Variants in RRP1B observed in about 807,000 individuals in gnomAD.
RRP1B encodes the protein ribosomal RNA processing protein 1 homolog B.
Under a neutral mutation model 80.2 loss-of-function variants are expected in RRP1B, and 56 were observed. The observed-to-expected ratio is 0.70, with a 90% confidence interval of 0.56 to 0.87. RRP1B has a LOEUF of 0.87. Ranked by LOEUF, RRP1B falls within the 40% of genes least tolerant of loss-of-function variation. RRP1B has a pLI of 0.00. For synonymous variants in RRP1B, 351 were observed against 357.6 expected, an observed-to-expected ratio of 0.98 and a Z score of 0.21; for missense variants, 807 against 939.8, an observed-to-expected ratio of 0.86 and a Z score of 1.85.
chr21:43,667,656 G>A (rs1303989348), intron 1 of RRP1B, among the ~76,000 whole-genome samples: 4 of 152,104 alleles, frequency 2.6e-5, no homozygotes, highest in Admixed American at 6.6e-5. Flanking sequence ...TTAAATATAA[G>A]TGCAGGTCAC....
At chr21:43,663,045 A>G (rs944265496) in intron 1 of RRP1B, among the ~76,000 whole-genome samples, 1 of 152,224 alleles carries the variant, frequency 6.6e-6, no homozygotes, top group Non-Finnish European at 1.5e-5. Flanking sequence ...AAGTTTTTTT[A>G]TAATGATGGG....
Position 43,673,964 on chromosome 21 carries a change from T to C in RRP1B, c.357+9T>C. ...TGGACAAATACTATATGGTAAGATC[T>C]GCCGCAGTTACTTCAAAAACTCCTG... On this transcript the variant is annotated intron_variant, in intron 4 of 15. Coordinates refer to ENST00000340648, the MANE Select transcript of RRP1B (RefSeq NM_015056.3). 6.3e-7 allele frequency: 1 copy of C among 1,582,242 alleles called. No individual in the cohort carries two copies. The highest frequency in any genetic ancestry group is 8.6e-7 in the Non-Finnish European group (1 of 1,158,174).
In RRP1B at chr21:43,676,764, G is replaced by A; in HGVS notation, c.646G>A (p.Val216Ile). 6.2e-7 allele frequency: 1 copy of A among 1,614,220 alleles called. No homozygotes were observed. Among genetic ancestry groups the A allele is most frequent in the South Asian group, 1.1e-5 (1 of 91,082 alleles). Residue 216 changes from valine to isoleucine, a missense_variant, in exon 8 of 16, where the codon GTC becomes ATC. Coordinates refer to ENST00000340648, the MANE Select transcript of RRP1B (RefSeq NM_015056.3). ...HTLVQTIARG[V>I]FEAIVDQSPF... ...CCTGGTACAGACCATAGCTCGGGGT[G>A]TCTTCGAAGCTATCGTAGATCAGTC...
Position 43,691,774 on chromosome 21 carries a change from G to C in RRP1B, c.2083+272G>C, listed in dbSNP as rs575968945. Among the ~76,000 whole-genome samples, 4 of 152,220 alleles carry C rather than the reference G, an allele frequency of 2.6e-5. No homozygotes were observed. The East Asian group carries it at 7.7e-4, about 29-fold the overall frequency. ...CCTGCCTCAGGCTGCCGGGTAGCGG[G>C]TAGCTGGGATCACAGGTGCACGCCA... On this transcript the variant is annotated intron_variant, in intron 15 of 15. Coordinates refer to ENST00000340648, the MANE Select transcript of RRP1B (RefSeq NM_015056.3). The surrounding 1 kb of genome is among the most constrained non-coding windows in gnomAD (Gnocchi z 4.2).
chr21:43,682,706 T>C (rs1336781535), intron 8 of RRP1B, among the ~76,000 whole-genome samples: 2 of 152,270 alleles, frequency 1.3e-5, no homozygotes, highest in East Asian at 1.9e-4. Flanking sequence ...GGACCACGTG[T>C]GGGGGAGGAA....
intron 11 of RRP1B, chr21:43,686,027 G>C (rs974090200): frequency 7.5e-5 from 28 of 372,432 alleles, no homozygotes; most frequent in African/African-American, 4.3e-4. Context: ...AGTCTAAGAG[G>C]GGAGGATCGC....
At chr21:43,692,084 G>A (rs1007136688) in intron 15 of RRP1B, among the ~76,000 whole-genome samples, 4 of 152,134 alleles carry the variant, frequency 2.6e-5, no homozygotes, top group Admixed American at 6.6e-5. Flanking sequence ...CTGGTGAGAC[G>A]TGATCCAAAA....
At chr21:43,676,157 C>A in intron 6 of RRP1B, 115 bp from the exon 7 acceptor site, 4 of 722,368 alleles carry the variant, frequency 5.5e-6, no homozygotes, top group Non-Finnish European at 9.3e-6. Context: ...CTGTGTGAGA[C>A]AGGCATTGCT....
At chr21:43,685,684 T>C (rs763872563) in intron 10 of RRP1B, 86 bp from the exon 11 acceptor site, 18 of 989,044 alleles carry the variant, frequency 1.8e-5, no homozygotes, top group Non-Finnish European at 2.5e-5. Context: ...AAAAATCAAA[T>C]ACATATGTCT....
At chr21:43,672,087 C>T (rs954722322) in intron 2 of RRP1B, among the ~76,000 whole-genome samples, 1 of 152,188 alleles carries the variant, frequency 6.6e-6, no homozygotes, top group African/African-American at 2.4e-5. Flanking sequence ...TAGCTTAACA[C>T]AGTTCTTGCA....
chr21:43,673,122 G>A (rs2083006328), intron 3 of RRP1B, among the ~76,000 whole-genome samples: 1 of 152,198 alleles, frequency 6.6e-6, no homozygotes, highest in Non-Finnish European at 1.5e-5. Context: ...ACAAAAATAT[G>A]AGTTTCTATA....
chr21:43,668,375 T>G (rs1208351776), intron 1 of RRP1B, among the ~76,000 whole-genome samples: 1 of 151,380 alleles, frequency 6.6e-6, no homozygotes, highest in East Asian at 1.9e-4. Flanking sequence ...TTTTTTTTTT[T>G]TAAGAGACGG....
At chr21:43,685,233 G>A (rs941979886) in intron 10 of RRP1B, among the ~76,000 whole-genome samples, 2 of 152,140 alleles carry the variant, frequency 1.3e-5, no homozygotes, top group African/African-American at 4.8e-5. Context: ...AGTAGCTCCT[G>A]TAGTTTTGCC....
rs2083081439 is a variant in RRP1B, at chr21:43,690,312, C to T, written c.1891C>T (p.Leu631=). The part of the protein sequence containing the change: ...ALGSSGTCSS[L]KKQKLRAESD... ...GGGAAGCAGTGGGACTTGCAGTTCC[C>T]TGAAGAAGCAGAAGCTGAGGGCAGA... is the stretch of plus-strand genomic sequence containing the variant. The change falls in exon 14 of 16, where the codon CTG becomes TTG. Residue 631 remains leucine, a synonymous_variant. Coordinates refer to ENST00000340648, the MANE Select transcript of RRP1B (RefSeq NM_015056.3). The T allele has an allele frequency of 1.2e-6, 2 of 1,614,086 alleles. No homozygotes were observed. Among genetic ancestry groups the T allele is most frequent in the African/African-American group, 1.3e-5 (1 of 74,930 alleles).
rs745801168 is a variant in RRP1B, at chr21:43,691,026, C to T, written c.2020-413C>T. On this transcript the variant is annotated intron_variant, in intron 14 of 15. Transcript: ENST00000340648. The surrounding 1 kb of genome is among the most constrained non-coding windows in gnomAD (Gnocchi z 4.2). Reference sequence around the variant, plus strand: ...AAGTTAGAAGTTCAGAACTCTCCAGCAAAAGGCAGGGGAGTCTTGGCATTT... The same window carrying T: ...AAGTTAGAAGTTCAGAACTCTCCAGTAAAAGGCAGGGGAGTCTTGGCATTT... Among the ~76,000 whole-genome samples, 18 of 152,178 alleles carry T rather than the reference C, an allele frequency of 1.2e-4. No homozygotes were observed. Among genetic ancestry groups the T allele is most frequent in the Non-Finnish European group, 2.4e-4 (16 of 68,040 alleles).
rs969753636 is a variant in RRP1B, at chr21:43,687,700, T to G, written c.1326T>G (p.Arg442=). 6.2e-6 allele frequency: 10 copies of G among 1,610,396 alleles called. No individual in the cohort carries two copies. Among genetic ancestry groups the G allele is most frequent in the Non-Finnish European group, 8.5e-6 (10 of 1,178,118 alleles). ...CTGGGCTGAAAGCCCTGAAGGCACG[T>G]GTGGCCGAGCCAGGTGCAGAGGCCA... ...EASGLKALKA[R]VAEPGAEATS... is the part of the protein sequence containing the mutation. The change falls in exon 13 of 16, where the codon CGT becomes CGG. Residue 442 remains arginine, a synonymous_variant. Transcript: ENST00000340648.
intron 12 of RRP1B, 86 bp from the exon 13 acceptor site, chr21:43,687,430 C>G (rs2083067569): frequency 1.4e-6 from 2 of 1,383,358 alleles, no homozygotes; most frequent in African/African-American, 2.9e-5. Flanking sequence ...GAAATTGCGT[C>G]CGCCAGTCAT....
rs774580048 is a variant in RRP1B, at chr21:43,691,524, G to C, written c.2083+22G>C. ...GCCGGTAAGTGGGGTTTTGCCAGCG[G>C]CAAGCTTCTCTGGAGCACAGCTGCA... On this transcript the variant is annotated intron_variant, in intron 15 of 15. Coordinates refer to ENST00000340648, the MANE Select transcript of RRP1B (RefSeq NM_015056.3). The surrounding 1 kb of genome is among the most constrained non-coding windows in gnomAD (Gnocchi z 4.2). 6.2e-7 allele frequency: 1 copy of C among 1,612,502 alleles called. No individual in the cohort carries two copies. Among genetic ancestry groups the C allele is most frequent in the South Asian group, 1.1e-5 (1 of 90,922 alleles).
chr21:43,662,972 C>G (rs981045996), intron 1 of RRP1B, among the ~76,000 whole-genome samples: 56 of 152,166 alleles, frequency 3.7e-4, no homozygotes, highest in African/African-American at 1.2e-3. Context: ...TGGCAGCATA[C>G]AAAATAACAG....
Sources: gnomAD v4.1 joint callset for allele counts (sites outside exome capture counted in the v4.1 genomes callset) on GRCh38, gnomAD v4.1.1 for gene constraint, Gnocchi (gnomAD v3.1) non-coding constraint, MANE v1.5 for transcripts, NCBI Gene and HGNC (gene_info 2026-07-23, HGNC 2026-07-21) for gene names.